The following MPPED2 variants were observed in gnomAD, a reference collection of about 807,000 sequenced individuals.
MPPED2 encodes metallophosphoesterase MPPED2.
MPPED2 carries 5 observed loss-of-function variants against 33.0 expected under a neutral mutation model. The ratio of observed to expected loss-of-function variants is 0.15; its 90% confidence interval spans 0.08 to 0.32. The LOEUF (loss-of-function observed/expected upper bound fraction) is 0.32. Ranked by LOEUF, MPPED2 falls within the 10% of genes least tolerant of loss-of-function variation. The pLI is 1.00. For missense variants in MPPED2, 275 were observed against 372.1 expected, an observed-to-expected ratio of 0.74 and a Z score of 2.15; for synonymous variants, 136 against 141.9, an observed-to-expected ratio of 0.96 and a Z score of 0.29.
In MPPED2 at chr11:30,489,690, C is replaced by A. The variant is rs1198788820; in HGVS notation, c.536+5606G>T. Among the ~76,000 whole-genome samples the A allele has an allele frequency of 2.0e-5, 3 of 152,266 alleles. No individual in the cohort carries two copies. The East Asian group carries it at 5.8e-4, about 29-fold the overall frequency. On this transcript the variant is annotated intron_variant, in intron 4 of 6. Transcript: ENST00000358117. ...CCACTCTAACGTGAAAAAATGTGTTCTTTGTTCCTGACCCTTTGGTCAGCC... is the reference window on the plus strand; with the variant it reads ...CCACTCTAACGTGAAAAAATGTGTTATTTGTTCCTGACCCTTTGGTCAGCC...
At chr11:30,482,067 T>C (rs1951513730) in intron 4 of MPPED2, among the ~76,000 whole-genome samples, 1 of 152,092 alleles carries the variant, frequency 6.6e-6, no homozygotes, top group South Asian at 2.1e-4. Context: ...TAGACACACA[T>C]TTTACGGCTA....
chr11:30,504,981 C>G (rs1952753750), intron 3 of MPPED2: 1 of 408,584 alleles, frequency 2.4e-6, no homozygotes, highest in Non-Finnish European at 4.8e-6. Context: ...GGAAATGCTC[C>G]CTCCTCCGCT....
At chr11:30,546,681 T>C (rs1399242055) in intron 2 of MPPED2, among the ~76,000 whole-genome samples, 8 of 152,176 alleles carry the variant, frequency 5.3e-5, no homozygotes, top group African/African-American at 2.4e-5. Context: ...TTGAGTTGAA[T>C]TGATAAACTT....
chr11:30,421,528 T>C (rs571301518), intron 4 of MPPED2, among the ~76,000 whole-genome samples: 15 of 152,288 alleles, frequency 9.8e-5, no homozygotes, highest in African/African-American at 3.6e-4. Context: ...CTAGAGCTTT[T>C]ACGTAAGTTA....
At chr11:30,396,441 T>A (rs534790604) in intron 6 of MPPED2, among the ~76,000 whole-genome samples, 3 of 152,330 alleles carry the variant, frequency 2.0e-5, no homozygotes, top group Non-Finnish European at 4.4e-5. Context: ...TTATGGTTGC[T>A]GTACATTTAA....
intron 2 of MPPED2, among the ~76,000 whole-genome samples, chr11:30,557,226 A>ATATATATATAT (rs1035140591): frequency 2.0e-5 from 3 of 146,850 alleles, no homozygotes; most frequent in African/African-American, 5.5e-5. Flanking sequence ...TATATATATA[A>ATATATATATAT]TATATATATC....
chr11:30,537,471 A>T (rs566284749), intron 2 of MPPED2, among the ~76,000 whole-genome samples: 1 of 152,304 alleles, frequency 6.6e-6, no homozygotes, highest in East Asian at 1.9e-4. Flanking sequence ...GGCTTTGTTT[A>T]ATTTGTTTTC....
intron 2 of MPPED2, among the ~76,000 whole-genome samples, chr11:30,541,857 G>A (rs576481002): frequency 6.6e-6 from 1 of 152,348 alleles, no homozygotes; most frequent in African/African-American, 2.4e-5. Flanking sequence ...CTCCCAAAGT[G>A]TTAGGAGTAC....
In MPPED2 at chr11:30,410,949, G is replaced by A. The variant is rs1402970573; in HGVS notation, c.*519C>T. The A allele has an allele frequency of 5.1e-6, 5 of 985,592 alleles. No homozygotes were observed. In the Admixed American group the frequency reaches 2.5e-4, roughly 48 times the overall value. 61.1% of individuals were successfully genotyped at this position (985,592 alleles called of 1,614,324 possible). On this transcript the variant is annotated 3_prime_UTR_variant, in exon 7 of 7. Transcript: ENST00000358117. ...CTTTATAGTGAGAGTATGAAAAGAA[G>A]TCTTTTCCATGCCTACTTCTGTTGA... is the stretch of plus-strand genomic sequence containing the variant.
chr11:30,424,498 G>A (rs777114588), intron 4 of MPPED2, among the ~76,000 whole-genome samples: 13 of 152,036 alleles, frequency 8.6e-5, no homozygotes, highest in Admixed American at 2.0e-4. Context: ...ACTTCACAGC[G>A]CCTTTCACAT....
At chr11:30,385,865 G>A (rs1356467402) in exon 7 of MPPED2, 1 of 152,074 alleles carries the variant, frequency 6.6e-6, no homozygotes, top group Non-Finnish European at 1.5e-5. Flanking sequence ...CCTCCTTAAT[G>A]TCACTCACCC....
intron 4 of MPPED2, among the ~76,000 whole-genome samples, chr11:30,444,948 A>G (rs1003459059): frequency 6.6e-6 from 1 of 152,220 alleles, no homozygotes; most frequent in Non-Finnish European, 1.5e-5. Flanking sequence ...ACATTGGGAT[A>G]AAAGAACAGG....
At chr11:30,542,573 C>T (rs563813760) in intron 2 of MPPED2, among the ~76,000 whole-genome samples, 128 of 151,428 alleles carry the variant, frequency 8.5e-4, no homozygotes, top group African/African-American at 3.0e-3. Flanking sequence ...AAGGCTGCAG[C>T]GAGCTGAGAT....
At chr11:30,443,011 A>G (rs1039838919) in intron 4 of MPPED2, among the ~76,000 whole-genome samples, 11 of 152,206 alleles carry the variant, frequency 7.2e-5, no homozygotes, top group African/African-American at 1.9e-4. Flanking sequence ...AAATATTGTC[A>G]TTAAGCTTTC....
intron 3 of MPPED2, among the ~76,000 whole-genome samples, chr11:30,519,986 T>C (rs11606078): frequency 0.17 from 26,520 of 152,004 alleles, 2,904 homozygotes; most frequent in Non-Finnish European, 0.24. Flanking sequence ...AGCTCAGAGG[T>C]TGTATATTTT....
At chr11:30,534,690 A>G (rs960255437) in intron 3 of MPPED2, among the ~76,000 whole-genome samples, 1 of 152,242 alleles carries the variant, frequency 6.6e-6, no homozygotes, top group Non-Finnish European at 1.5e-5. Flanking sequence ...AAAACCATAA[A>G]GAATTTCATA....
Position 30,411,128 on chromosome 11 carries a change from T to C in MPPED2, c.*340A>G. 1.0e-6 allele frequency: 1 copy of C among 990,654 alleles called. No individual in the cohort carries two copies. The highest frequency in any genetic ancestry group is 1.2e-6 in the Non-Finnish European group (1 of 832,772). The allele number at this position is 990,654 out of a possible 1,614,324, so 61.4% of individuals were successfully genotyped here. A position where few individuals can be genotyped will look rare whatever the true frequency, so the allele number is the denominator to read the frequency against. On this transcript the variant is annotated 3_prime_UTR_variant, in exon 7 of 7. Transcript: ENST00000358117. ...TTTTTAAAACACTGCCTGTTTCTTA[T>C]TTTTTTTTCTTTCAGCTTAAAGCAT...
In MPPED2 at chr11:30,484,426, C is replaced by A. The variant is rs576535; in HGVS notation, c.536+10870G>T. ...TTATATTTAAGCAAAACAGTCTTCC[C>A]ATATCCTCTCCTGAATTAATGCAGA... On this transcript the variant is annotated intron_variant, in intron 4 of 6. Transcript: ENST00000358117. Among the ~76,000 whole-genome samples the A allele has an allele frequency of 8.2e-3, 1,241 of 152,120 alleles. 19 individuals are homozygous for A. Among genetic ancestry groups the A allele is most frequent in the African/African-American group, 0.029 (1,197 of 41,472 alleles).
chr11:30,545,736 A>G (rs181948429), intron 2 of MPPED2, among the ~76,000 whole-genome samples: 2 of 152,346 alleles, frequency 1.3e-5, no homozygotes, highest in East Asian at 3.9e-4. Context: ...GCTCTGCTCC[A>G]GTATGACTGC....
Sources: gnomAD v4.1 joint callset for allele counts (sites outside exome capture counted in the v4.1 genomes callset) on GRCh38, gnomAD v4.1.1 for gene constraint, MANE v1.5 for transcripts, NCBI Gene and HGNC (gene_info 2026-07-23, HGNC 2026-07-21) for gene names.